DEFB128: variants seen among roughly 807,000 people sequenced by gnomAD.
The protein encoded by DEFB128 is defensin beta 128.
DEFB128 carries 1 observed loss-of-function variant against 2.4 expected under a neutral mutation model. The ratio of observed to expected loss-of-function variants is 0.41; its 90% CI spans 0.15 to 1.96. The LOEUF (loss-of-function observed/expected upper bound fraction) is 1.96, where lower values mean the gene tolerates loss of function less well. DEFB128 is among the 30% of genes most tolerant of loss of function. The pLI is 0.30. For synonymous variants in DEFB128, 59 were observed against 39.1 expected, an observed-to-expected ratio of 1.51 and a Z score of -1.89; for missense variants, 129 against 104.9, an observed-to-expected ratio of 1.23 and a Z score of -1.00.
At position 189,675 on chromosome 20, in the gene DEFB128, G is replaced by A. The variant is rs763753297; in HGVS notation, c.-52C>T. The A allele has an allele frequency of 1.9e-6, 3 of 1,587,390 alleles. No individual in the cohort carries two copies. Among genetic ancestry groups the A allele is most frequent in the East Asian group, 4.5e-5 (2 of 44,724 alleles). On this transcript the variant is annotated 5_prime_UTR_variant, in exon 1 of 2. Coordinates refer to ENST00000334391, the MANE Select transcript of DEFB128 (RefSeq NM_001037732.3). ...GCAGCAGAACTTTGTCCAGTGGTCT[G>A]TGTGCCACAGGTCTTTAAAGATGAT...
At position 188,012 on chromosome 20, in the gene DEFB128, A is replaced by G. The variant is rs367999259; in HGVS notation, c.156T>C (p.Cys52=). 1.2e-5 allele frequency: 19 copies of G among 1,613,960 alleles called. No individual in the cohort carries two copies. In the African/African-American group the frequency reaches 1.7e-4, roughly 15 times the overall value. ...YEIGCLSGKL[C]CANDEEEKKH... Reference sequence around the variant, plus strand: ...TTTTCTCTTCTTCATCATTAGCACAACATAATTTCCCACTTAGACATCCTA... The same window carrying G: ...TTTTCTCTTCTTCATCATTAGCACAGCATAATTTCCCACTTAGACATCCTA... The change falls in exon 2 of 2, where the codon TGT becomes TGC. Residue 52 remains cysteine, a synonymous_variant. Transcript: ENST00000334391.
chr20:188,409 A>G (rs188500229), intron 1 of DEFB128, among the ~76,000 whole-genome samples: 1 of 152,234 alleles, frequency 6.6e-6, no homozygotes, highest in East Asian at 1.9e-4. Flanking sequence ...CACCCCTAGG[A>G]CCATGGCAAA....
chr20:188,095 A>G lies in DEFB128; in HGVS notation c.73T>C (p.Phe25Leu). Residue 25 changes from phenylalanine (F) to leucine (L), a missense_variant, in exon 2 of 2, where the codon TTC becomes CTC. Physicochemically the swap from Phe to Leu is conservative, Grantham distance 22. Coordinates refer to ENST00000334391, the MANE Select transcript of DEFB128 (RefSeq NM_001037732.3). ...CTGCAATAGCCTGTTACTTTATTGA[A>G]GCATTTTTTGAGTCTTGCCCCGTCT... ...LTDGARLKKCFNKVTGYCRKK... is the reference protein window; with the variant it reads ...LTDGARLKKCLNKVTGYCRKK... The G allele has an allele frequency of 1.9e-6, 3 of 1,613,988 alleles. No individual in the cohort carries two copies. Among genetic ancestry groups the G allele is most frequent in the Non-Finnish European group, 2.5e-6 (3 of 1,179,916 alleles).
chr20:187,859 C>T lies in DEFB128; in HGVS notation c.*27G>A. The T allele has an allele frequency of 6.2e-7, 1 of 1,611,132 alleles. No individual in the cohort carries two copies. Among genetic ancestry groups the T allele is most frequent in the Admixed American group, 1.7e-5 (1 of 59,954 alleles). ...ACTTTTTATTTAGGAAGAGTGGAGA[C>T]CAGCGAGACAAGGGCTAGATTTAGG... On this transcript the variant is annotated 3_prime_UTR_variant, in exon 2 of 2. Transcript: ENST00000334391.
intron 1 of DEFB128, 102 bp from the exon 2 acceptor site, chr20:188,220 G>T: frequency 1.9e-6 from 2 of 1,067,562 alleles, no homozygotes; most frequent in Non-Finnish European, 2.9e-6. Flanking sequence ...ATGGTCCCAA[G>T]TGAACATTAT....
intron 1 of DEFB128, among the ~76,000 whole-genome samples, chr20:189,230 T>C (rs2011118121): frequency 6.6e-6 from 1 of 152,234 alleles, no homozygotes; most frequent in Non-Finnish European, 1.5e-5. Flanking sequence ...CTCCAAAATG[T>C]GTGCTATTTT....
At position 187,996 on chromosome 20, in the gene DEFB128, C is replaced by T. The variant is rs765553524; in HGVS notation, c.172G>A (p.Glu58Lys). Residue 58 changes from glutamate to lysine, a missense_variant, in exon 2 of 2, where the codon GAA (glutamate) becomes AAA (lysine). Transcript: ENST00000334391. ...SGKLCCANDE[E>K]EKKHVSFKKP... Reference sequence around the variant, plus strand: ...TTAAATGACACATGTTTTTTCTCTTCTTCATCATTAGCACAACATAATTTC... The same window carrying T: ...TTAAATGACACATGTTTTTTCTCTTTTTCATCATTAGCACAACATAATTTC... 6 of 1,614,072 alleles carry T rather than the reference C, an allele frequency of 3.7e-6. No individual in the cohort carries two copies. Among genetic ancestry groups the T allele is most frequent in the South Asian group, 3.3e-5 (3 of 91,088 alleles).
intron 1 of DEFB128, 65 bp from the exon 2 acceptor site, chr20:188,183 G>T: frequency 6.8e-7 from 1 of 1,477,452 alleles, no homozygotes; most frequent in Non-Finnish European, 9.4e-7. Context: ...AGGTAGGTAT[G>T]TGGTTCCCCA....
chr20:188,675 C>T lies in DEFB128; in HGVS notation c.50-557G>A, dbSNP rs991661212. Among the ~76,000 whole-genome samples, 6 of 152,280 alleles carry T rather than the reference C, an allele frequency of 3.9e-5. No individual in the cohort carries two copies. The East Asian group carries it at 1.2e-3, about 29-fold the overall frequency. The stretch of plus-strand genomic sequence containing the variant: ...TCTCAGCAACAGGTGCTATTGAGAA[C>T]TCCTTCCCTTAACCTGGCTCCTCCT... On this transcript the variant is annotated intron_variant, in intron 1 of 1. Transcript: ENST00000334391.
chr20:189,434 G>T, intron 1 of DEFB128, 141 bp downstream of exon 1: 1 of 865,046 alleles, frequency 1.2e-6, no homozygotes, highest in South Asian at 1.6e-5. Context: ...CTCTTCTAAG[G>T]CATAGACTCA....
chr20:189,316 G>T (rs917262000), intron 1 of DEFB128, among the ~76,000 whole-genome samples: 2 of 152,116 alleles, frequency 1.3e-5, no homozygotes, highest in Non-Finnish European at 2.9e-5. Context: ...TGAAAACTGT[G>T]TCCAGCATTA....
At chr20:189,488 CA>C in intron 1 of DEFB128, 86 bp downstream of exon 1, 1 of 1,488,012 alleles carries the variant, frequency 6.7e-7, no homozygotes, top group Non-Finnish European at 9.3e-7. Flanking sequence ...TGATTTTGGC[CA>C]AATATAAATA....
intron 1 of DEFB128, among the ~76,000 whole-genome samples, chr20:188,448 C>A (rs1031142541): frequency 1.3e-5 from 2 of 152,212 alleles, no homozygotes; most frequent in African/African-American, 4.8e-5. Context: ...GCTCCAAAGT[C>A]AGCACTCTCT....
chr20:188,175 G>T (rs1282407612), intron 1 of DEFB128, 57 bp from the exon 2 acceptor site: 18 of 1,517,342 alleles, frequency 1.2e-5, no homozygotes, highest in Non-Finnish European at 1.6e-5. Context: ...AGCAGAAGAG[G>T]TAGGTATGTG....
chr20:188,182 T>A (rs1288324528), intron 1 of DEFB128, 64 bp from the exon 2 acceptor site: 1 of 1,488,624 alleles, frequency 6.7e-7, no homozygotes, highest in Non-Finnish European at 9.3e-7. Context: ...GAGGTAGGTA[T>A]GTGGTTCCCC....
intron 1 of DEFB128, 135 bp from the exon 2 acceptor site, chr20:188,253 G>A (rs2011114120): frequency 2.5e-6 from 2 of 803,964 alleles, no homozygotes; most frequent in East Asian, 2.5e-5. Context: ...AAACTCAGAG[G>A]CCCCTCCTTG....
At chr20:189,471 T>C (rs369184973) in intron 1 of DEFB128, 104 bp downstream of exon 1, 1 of 1,362,334 alleles carries the variant, frequency 7.3e-7, no homozygotes, top group South Asian at 1.3e-5. Flanking sequence ...GAATGGGTAC[T>C]TTTTTATGAT....
Position 187,904 on chromosome 20 carries a change from G to A in DEFB128, c.264C>T (p.Ile88=). 2.5e-6 allele frequency: 4 copies of A among 1,613,912 alleles called. No individual in the cohort carries two copies. The highest frequency in any genetic ancestry group is 3.4e-6 in the Non-Finnish European group (4 of 1,179,884). Residue 88 remains isoleucine, a synonymous_variant, in exon 2 of 2, where the codon ATC becomes ATT. Transcript: ENST00000334391. ...VLQDYIILPT[I]TIFTV ...TTTAGGATTAGACTGTGAAAATGGT[G>A]ATGGTGGGTAAGATGATGTAATCCT...
chr20:187,971 T>A lies in DEFB128; in HGVS notation c.197A>T (p.Lys66Met). ...DEEEKKHVSFKKPHQHSGEKL... is the reference protein window; with the variant it reads ...DEEEKKHVSFMKPHQHSGEKL... ...CTCACCAGAATGTTGATGTGGCTTC[T>A]TAAATGACACATGTTTTTTCTCTTC... is the stretch of plus-strand genomic sequence containing the variant. Residue 66 changes from lysine (K) to methionine (M), a missense_variant, in exon 2 of 2, where the codon AAG becomes ATG. Transcript: ENST00000334391. 1 of 1,613,976 alleles carries A rather than the reference T, an allele frequency of 6.2e-7. No individual in the cohort carries two copies.
Sources: allele counts gnomAD v4.1 joint callset (sites outside exome capture counted in the v4.1 genomes callset), GRCh38; gene constraint gnomAD v4.1.1; transcripts MANE v1.5; gene names NCBI Gene and HGNC (gene_info 2026-07-23, HGNC 2026-07-21).